The following MTOR variants were observed in gnomAD, a reference collection of about 807,000 sequenced individuals.
MTOR encodes the protein mechanistic target of rapamycin kinase.
Under a neutral mutation model 319.8 loss-of-function variants are expected in MTOR, and 70 were observed. That is an observed-to-expected ratio of 0.22 (90% confidence interval 0.18 to 0.27). The LOEUF is 0.27. Ranked by LOEUF, MTOR falls within the 10% of genes least tolerant of loss-of-function variation. The pLI is 1.00. For missense variants in MTOR, 1,890 were observed against 3,274.4 expected, an observed-to-expected ratio of 0.58 and a Z score of 10.32; for synonymous variants, 1,183 against 1,211.4, an observed-to-expected ratio of 0.98 and a Z score of 0.49.
intron 28 of MTOR, among the ~76,000 whole-genome samples, chr1:11,176,372 C>T (rs1207653152): frequency 6.6e-6 from 1 of 152,202 alleles, no homozygotes; most frequent in Non-Finnish European, 1.5e-5. Context: ...CACAAGGCGG[C>T]GCCTGTCGGA....
Position 11,180,646 on chromosome 1 carries a change from G to A in MTOR, c.4254-13129C>T, listed in dbSNP as rs566977304. Among the ~76,000 whole-genome samples the A allele has an allele frequency of 2.1e-4, 32 of 152,292 alleles. No homozygotes were observed. In the South Asian group the frequency reaches 3.3e-3, roughly 16 times the overall value. On this transcript the variant is annotated intron_variant, in intron 28 of 57. Coordinates refer to ENST00000361445, the MANE Select transcript of MTOR (RefSeq NM_004958.4). The stretch of plus-strand genomic sequence containing the variant: ...ATCTTGTCCTGCAACCCCTGACAAG[G>A]TCTTATCTCTAGCTAAGGGTGATTT...
intron 31 of MTOR, among the ~76,000 whole-genome samples, chr1:11,147,597 G>T (rs1643978173): frequency 6.6e-6 from 1 of 152,200 alleles, no homozygotes; most frequent in Non-Finnish European, 1.5e-5. Context: ...CTGGGCACAA[G>T]CAAATAGCTA....
intron 25 of MTOR, among the ~76,000 whole-genome samples, chr1:11,205,232 C>T (rs1646100154): frequency 6.6e-6 from 1 of 152,194 alleles, no homozygotes; most frequent in South Asian, 2.1e-4. Context: ...CAACTTCTCT[C>T]AAAACTCTGA....
chr1:11,109,701 C>G lies in MTOR; in HGVS notation c.7395G>C (p.Glu2465Asp). 1 of 1,614,092 alleles carries G rather than the reference C, an allele frequency of 6.2e-7. No homozygotes were observed. ...TGGTCCCCGTTTTCTTATGGGCTGG[C>G]TCTCCAAGTTCCACACCGTCCAAAA... ...VEILDGVELG[E>D]PAHKKTGTTV... The change falls in exon 55 of 58, where the codon GAG becomes GAC. Residue 2465 changes from glutamate to aspartate, a missense_variant. This residue lies in a region of MTOR where 49 missense variants were observed against 67.6 expected (regional missense o/e 0.72). Coordinates refer to ENST00000361445, the MANE Select transcript of MTOR (RefSeq NM_004958.4). The surrounding 1 kb of genome is among the most constrained non-coding windows in gnomAD (Gnocchi z 4.0).
At chr1:11,232,196 T>C (rs765345078) in intron 16 of MTOR, among the ~76,000 whole-genome samples, 8 of 152,226 alleles carry the variant, frequency 5.3e-5, no homozygotes, top group Non-Finnish European at 8.8e-5. Context: ...TTCTTTTGTA[T>C]AGACAAAATG....
Position 11,126,682 on chromosome 1 carries a change from T to G in MTOR, c.6466A>C (p.Ile2156Leu). ...PNQPIIRIQS[I>L]APSLQVITSK... ...GTGATGACTTGCAAAGACGGTGCTA[T>G]GGACTGAATGCGAATGATTGGCTGG... Residue 2156 changes from isoleucine (I) to leucine (L), a missense_variant, in exon 46 of 58, where the codon ATA (isoleucine) becomes CTA (leucine). Coordinates refer to ENST00000361445, the MANE Select transcript of MTOR (RefSeq NM_004958.4). 6.2e-7 allele frequency: 1 copy of G among 1,614,032 alleles called. No individual in the cohort carries two copies. Among genetic ancestry groups the G allele is most frequent in the Middle Eastern group, 1.6e-4 (1 of 6,062 alleles).
chr1:11,194,530 C>A, intron 28 of MTOR: 1 of 1,614,152 alleles, frequency 6.2e-7, no homozygotes, highest in Non-Finnish European at 8.5e-7. Context: ...CAACAGCTAT[C>A]GCCTCTTCCT....
intron 29 of MTOR, among the ~76,000 whole-genome samples, chr1:11,160,285 A>G (rs1644437494): frequency 6.6e-6 from 1 of 152,038 alleles, no homozygotes; most frequent in African/African-American, 2.4e-5. Flanking sequence ...TTTTTAGTAG[A>G]GATGGGGTTT....
chr1:11,210,361 G>A (rs1172056199), intron 24 of MTOR, among the ~76,000 whole-genome samples: 1 of 152,156 alleles, frequency 6.6e-6, no homozygotes, highest in Non-Finnish European at 1.5e-5. Context: ...TGTTGCCCAG[G>A]CTGGTCTCAA....
At position 11,190,771 on chromosome 1, in the gene MTOR, A is replaced by G. The variant is rs563292024; in HGVS notation, c.4253+8487T>C. 8.3e-4 allele frequency among the ~76,000 whole-genome samples: 126 copies of G among 152,348 alleles called. 3 individuals carry two copies. In the South Asian group the frequency reaches 0.011, roughly 13 times the overall value. On this transcript the variant is annotated intron_variant, in intron 28 of 57. Transcript: ENST00000361445. The stretch of plus-strand genomic sequence containing the variant: ...AAATTATCAGGAAAATATTAGTTGT[A>G]AGGAGCATATCCTATAGACATGTCA...
rs1179840572 is a variant in MTOR at position 11,241,333 on chromosome 1, A to AAT, written c.1541+219_1541+220insAT. Among the ~76,000 whole-genome samples the AAT allele has an allele frequency of 9.2e-5, 14 of 152,092 alleles. No individual in the cohort carries two copies. In the East Asian group the frequency reaches 2.5e-3, roughly 27 times the overall value. Reference sequence around the variant, plus strand: ...GAGACCCCTTCTCAAAAAAAAAAAAAAAAAAAAATGAGGCTCGGGGAAATT... The same window carrying AAT: ...GAGACCCCTTCTCAAAAAAAAAAAAAATAAAAAAAATGAGGCTCGGGGAAATT... On this transcript the variant is annotated intron_variant, in intron 10 of 57. Coordinates refer to ENST00000361445, the MANE Select transcript of MTOR (RefSeq NM_004958.4).
intron 3 of MTOR, among the ~76,000 whole-genome samples, chr1:11,257,381 A>C (rs1038055320): frequency 7.1e-5 from 9 of 126,366 alleles, no homozygotes; most frequent in South Asian, 2.4e-4. Context: ...ACTAAGATAC[A>C]AAAAAAAAAA....
At chr1:11,138,631 G>C (rs1408854953) in intron 36 of MTOR, among the ~76,000 whole-genome samples, 1 of 152,154 alleles carries the variant, frequency 6.6e-6, no homozygotes, top group East Asian at 1.9e-4. Flanking sequence ...ACAATGGGGA[G>C]AGAAGGCTAG....
intron 54 of MTOR, among the ~76,000 whole-genome samples, chr1:11,111,971 C>CAAAT (rs1641907420): frequency 6.6e-6 from 1 of 151,470 alleles, no homozygotes; most frequent in African/African-American, 2.4e-5. Flanking sequence ...AACAAACAAA[C>CAAAT]AAACAAACAA....
intron 50 of MTOR, 109 bp downstream of exon 50, chr1:11,116,895 A>G (rs1296475963): frequency 3.7e-6 from 3 of 806,246 alleles, no homozygotes; most frequent in Non-Finnish European, 6.1e-6. Flanking sequence ...ATACAATACC[A>G]ATATTTATTT....
At chr1:11,157,682 C>G (rs946989428) in intron 29 of MTOR, among the ~76,000 whole-genome samples, 1 of 152,272 alleles carries the variant, frequency 6.6e-6, no homozygotes, top group African/African-American at 2.4e-5. Context: ...AAGGTGCCAT[C>G]GCTCCGATCT....
rs376960456 is a variant in MTOR, at chr1:11,200,883, T to C, written c.3945-1180A>G. Among the ~76,000 whole-genome samples, 53 of 151,786 alleles carry C rather than the reference T, an allele frequency of 3.5e-4. No individual in the cohort carries two copies. In the South Asian group the frequency reaches 0.011, roughly 31 times the overall value. On this transcript the variant is annotated intron_variant, in intron 26 of 57. Coordinates refer to ENST00000361445, the MANE Select transcript of MTOR (RefSeq NM_004958.4). ...ACAAAAAATTAGCCGGGCGCGGTGG[T>C]GGTGGCCTGTAGTCCCAGCTTCTCA...
At chr1:11,216,366 T>C in intron 19 of MTOR, 132 bp from the exon 20 acceptor site, 1 of 593,158 alleles carries the variant, frequency 1.7e-6, no homozygotes, top group Non-Finnish European at 2.9e-6. Context: ...ACTGAGAATA[T>C]ATTTCAAAGA....
chr1:11,157,116 T>C (rs773878797), intron 30 of MTOR, 36 bp downstream of exon 30: 1 of 1,558,410 alleles, frequency 6.4e-7, no homozygotes, highest in Non-Finnish European at 8.7e-7. Flanking sequence ...ACGAAGTCTC[T>C]TGCAGCCACA....
Sources: gnomAD v4.1 joint callset for allele counts (sites outside exome capture counted in the v4.1 genomes callset) on GRCh38, gnomAD v4.1.1 for gene constraint, gnomAD v4.1.1 regional missense constraint, Gnocchi (gnomAD v3.1) non-coding constraint, MANE v1.5 for transcripts, NCBI Gene and HGNC (gene_info 2026-07-23, HGNC 2026-07-21) for gene names.